Variants in DPM1 observed in about 807,000 individuals in gnomAD.
DPM1 encodes the protein dolichol-phosphate mannosyltransferase subunit 1.
DPM1 carries 27 observed loss-of-function variants against 39.0 expected under a neutral mutation model. That is an observed-to-expected ratio of 0.69 (90% CI 0.51 to 0.95). The LOEUF is 0.95. Among genes scored for constraint, DPM1 ranks in the 40% least tolerant of loss-of-function variants. The pLI, the probability that DPM1 is intolerant of heterozygous loss-of-function variation, is 0.00. For synonymous variants in DPM1, 124 were observed against 109.0 expected (o/e 1.14, Z -0.86); for missense variants, 307 against 315.6 (o/e 0.97, Z 0.21).
At chr20:50,946,546 T>G (rs1601045380) in intron 3 of DPM1, among the ~76,000 whole-genome samples, 1 of 152,232 alleles carries the variant, frequency 6.6e-6, no homozygotes, top group Admixed American at 6.5e-5. Context: ...AATTCCCTTT[T>G]TCTTGTCTTT....
At chr20:50,938,731 G>A (rs1985442511) in intron 7 of DPM1, among the ~76,000 whole-genome samples, 1 of 149,216 alleles carries the variant, frequency 6.7e-6, no homozygotes, top group Non-Finnish European at 1.5e-5. Flanking sequence ...TGTAATCCCA[G>A]CACTTGGGGA....
chr20:50,958,308 G>A (rs1986947083), intron 1 of DPM1, 55 bp downstream of exon 1: 1 of 1,601,432 alleles, frequency 6.2e-7, no homozygotes, highest in Non-Finnish European at 8.5e-7. Flanking sequence ...GCCGACACCC[G>A]GGCCGGGGAA....
chr20:50,936,309 G>A (rs1174682950), intron 7 of DPM1, 47 bp from the exon 8 acceptor site: 2 of 1,246,376 alleles, frequency 1.6e-6, no homozygotes, highest in Non-Finnish European at 1.2e-6. Context: ...AAATACACAT[G>A]CCTATGTATC....
chr20:50,948,742 T>C, intron 2 of DPM1, 80 bp from the exon 3 acceptor site: 3 of 1,247,464 alleles, frequency 2.4e-6, no homozygotes, highest in African/African-American at 3.0e-5. Context: ...CAAAAGTGCA[T>C]ACTCACTTTA....
rs1221746828 is a variant in DPM1 at position 50,945,757 on chromosome 20, T to C, written c.378A>G (p.Lys126=). The C allele has an allele frequency of 6.3e-7, 1 of 1,590,018 alleles. No homozygotes were observed. The highest frequency in any genetic ancestry group is 2.2e-5 in the East Asian group (1 of 44,650). ...CCTACCTAATAAATTCAGGAATAAA[T>C]TTTGGCTGAAATTTGAAAAGAATAA... ...IMDADLSHHP[K]FIPEFIRKQK... is the part of the protein sequence containing the mutation. Residue 126 remains lysine (K), a synonymous_variant, in exon 5 of 9, where the codon AAA becomes AAG. Coordinates refer to ENST00000371588, the MANE Select transcript of DPM1 (RefSeq NM_003859.3).
chr20:50,943,826 G>A (rs964548023), intron 5 of DPM1, among the ~76,000 whole-genome samples: 8 of 147,438 alleles, frequency 5.4e-5, no homozygotes, highest in African/African-American at 1.5e-4. Flanking sequence ...TGCAAGCTCC[G>A]CCTCCCAGGT....
Position 50,940,850 on chromosome 20 carries a change from A to G in DPM1, c.563+15T>C, listed in dbSNP as rs1285003493. On this transcript the variant is annotated intron_variant, in intron 7 of 8. Coordinates refer to ENST00000371588, the MANE Select transcript of DPM1 (RefSeq NM_003859.3). ...CCAAGAAGTTATATAAAAGTAGTGG[A>G]AATTTTCACTGTACCTGAAACTTCC... 4 of 1,603,866 alleles carry G rather than the reference A, an allele frequency of 2.5e-6. No individual in the cohort carries two copies. The highest frequency in any genetic ancestry group is 3.3e-4 in the Middle Eastern group (2 of 6,044).
At chr20:50,946,229 C>A (rs980683885) in intron 3 of DPM1, among the ~76,000 whole-genome samples, 4 of 152,348 alleles carry the variant, frequency 2.6e-5, no homozygotes, top group Middle Eastern at 3.4e-3. Flanking sequence ...ACAATTATCA[C>A]ATTCTCATGC....
intron 7 of DPM1, among the ~76,000 whole-genome samples, chr20:50,937,065 G>A (rs1224948653): frequency 6.9e-6 from 1 of 143,966 alleles, no homozygotes; most frequent in African/African-American, 2.6e-5. Context: ...TTTTTTTAAA[G>A]ATCAGTGTCT....
chr20:50,940,795 C>T, intron 7 of DPM1, 70 bp downstream of exon 7: 1 of 1,251,520 alleles, frequency 8.0e-7, no homozygotes, highest in Non-Finnish European at 1.2e-6. Flanking sequence ...TAAAGTGTCT[C>T]TTTAAAATAT....
Position 50,958,493 on chromosome 20 carries a change from G to A in DPM1, c.31C>T (p.Arg11Cys), listed in dbSNP as rs781126720. The change falls in exon 1 of 9, where the codon CGC becomes TGC. Residue 11 changes from arginine (R) to cysteine (C), a missense_variant. By Grantham distance (180) the Arg-to-Cys change is radical (BLOSUM62 -3). Around this residue, in one of 3 missense-constraint regions of DPM1, gnomAD observed 206 missense variants for 188.2 expected, o/e 1.09. Transcript: ENST00000371588. The part of the protein sequence containing the change: MASLEVSRSP[R>C]RSRRELEVRS... ...ACTTCCAGCTCCCGCCGAGACCTGC[G>A]AGGACTACGACTGACTTCCAAGGAG... The A allele has an allele frequency of 9.9e-6, 16 of 1,613,712 alleles. No individual in the cohort carries two copies. The highest frequency in any genetic ancestry group is 3.3e-5 in the South Asian group (3 of 91,068).
At chr20:50,956,351 C>A (rs1257821891) in intron 1 of DPM1, among the ~76,000 whole-genome samples, 2 of 151,958 alleles carry the variant, frequency 1.3e-5, no homozygotes, top group African/African-American at 4.8e-5. Flanking sequence ...CACCTGTAAT[C>A]CCAGCACTTT....
chr20:50,954,909 T>C (rs1986751660), intron 2 of DPM1, among the ~76,000 whole-genome samples: 1 of 152,252 alleles, frequency 6.6e-6, no homozygotes, highest in Non-Finnish European at 1.5e-5. Context: ...TATCATGCTT[T>C]AATTTTTGCC....
At position 50,958,441 on chromosome 20, in the gene DPM1, G is replaced by A. The variant is rs1164271164; in HGVS notation, c.83C>T (p.Ser28Leu). Residue 28 changes from serine to leucine, a missense_variant, in exon 1 of 9, where the codon TCG (serine) becomes TTG (leucine). Around this residue, in one of 3 missense-constraint regions of DPM1, gnomAD observed 206 missense variants for 188.2 expected, o/e 1.09. Transcript: ENST00000371588. ...CTCGTTGTAGGTAGGTAAAAGCACC[G>A]AATATTTGTTCTGTCGTGGACTGCG... ...EVRSPRQNKY[S>L]VLLPTYNERE... is the part of the protein sequence containing the mutation. 6.2e-7 allele frequency: 1 copy of A among 1,614,008 alleles called. No homozygotes were observed. The highest frequency in any genetic ancestry group is 8.5e-7 in the Non-Finnish European group (1 of 1,180,042).
chr20:50,953,866 A>G (rs73909848), intron 2 of DPM1, among the ~76,000 whole-genome samples: 13,900 of 152,248 alleles, frequency 0.091, 683 homozygotes, highest in African/African-American at 0.13. Context: ...AAAACAGGGA[A>G]CTACTGGCCA....
intron 5 of DPM1, among the ~76,000 whole-genome samples, chr20:50,943,239 ATTC>A (rs1466113137): frequency 1.3e-5 from 2 of 152,218 alleles, no homozygotes; most frequent in Non-Finnish European, 2.9e-5. Flanking sequence ...GCTCTTTCCC[ATTC>A]TTTTTAATAA....
chr20:50,953,117 A>G (rs1986664072), intron 2 of DPM1, among the ~76,000 whole-genome samples: 1 of 152,228 alleles, frequency 6.6e-6, no homozygotes, highest in South Asian at 2.1e-4. Context: ...TCAAGTTGGG[A>G]GATGAAACAA....
chr20:50,940,715 C>T (rs987819170), intron 7 of DPM1, 150 bp downstream of exon 7: 3 of 699,868 alleles, frequency 4.3e-6, no homozygotes, highest in Non-Finnish European at 7.5e-6. Context: ...GATGTTTAGG[C>T]TTCATTAGCA....
intron 7 of DPM1, among the ~76,000 whole-genome samples, chr20:50,939,584 C>A (rs1414202908): frequency 2.6e-5 from 4 of 151,586 alleles, no homozygotes; most frequent in Non-Finnish European, 4.4e-5. Flanking sequence ...CCTGCCTAGG[C>A]CTCCCAAAGT....
Sources: gnomAD v4.1 joint callset for allele counts (sites outside exome capture counted in the v4.1 genomes callset) on GRCh38, gnomAD v4.1.1 for gene constraint, gnomAD v4.1.1 regional missense constraint, MANE v1.5 for transcripts, NCBI Gene and HGNC (gene_info 2026-07-23, HGNC 2026-07-21) for gene names.